Variants in ZNF721 observed in about 807,000 individuals in gnomAD.
The protein encoded by ZNF721 is zinc finger protein 721.
ZNF721 carries 2 observed loss-of-function variants against 2.4 expected under a neutral mutation model. That is an observed-to-expected ratio of 0.82 (90% confidence interval 0.34 to 2.58). ZNF721 has a LOEUF of 2.58. Among genes scored for constraint, ZNF721 ranks in the 30% most tolerant of loss-of-function variants. The pLI is 0.11. For missense variants in ZNF721, 1,187 were observed against 1,085.5 expected (o/e 1.09, Z -1.31); for synonymous variants, 398 against 381.8 (o/e 1.04, Z -0.50).
At chr4:464,526 GAA>G (rs1337980057) in intron 2 of ZNF721, among the ~76,000 whole-genome samples, 1 of 147,638 alleles carries the variant, frequency 6.8e-6, no homozygotes, top group Non-Finnish European at 1.5e-5. Flanking sequence ...AGAAAAAAAT[GAA>G]AGAGTGAATA....
intron 1 of ZNF721, among the ~76,000 whole-genome samples, chr4:495,388 G>A (rs1469154472): frequency 1.4e-5 from 2 of 139,114 alleles, no homozygotes; most frequent in Non-Finnish European, 3.1e-5. Flanking sequence ...CCAAAAACAT[G>A]AAACCTTCTA....
chr4:495,159 A>G (rs114019127), intron 1 of ZNF721, among the ~76,000 whole-genome samples: 6,352 of 151,968 alleles, frequency 0.042, 182 homozygotes, highest in African/African-American at 0.083. Context: ...TGGGATTACA[A>G]ACATAAGCCA....
intron 2 of ZNF721, among the ~76,000 whole-genome samples, chr4:458,283 G>A (rs1178629555): frequency 2.6e-5 from 4 of 152,120 alleles, no homozygotes; most frequent in Non-Finnish European, 5.9e-5. Flanking sequence ...CCAGATAACA[G>A]GTCTCCCAAG....
intron 1 of ZNF721, among the ~76,000 whole-genome samples, chr4:486,590 G>A (rs1160229860): frequency 2.6e-5 from 4 of 152,180 alleles, no homozygotes; most frequent in Non-Finnish European, 5.9e-5. Context: ...GGAAAAAAAA[G>A]CAGCAGCCCT....
chr4:443,870 G>A lies in ZNF721; in HGVS notation c.597C>T (p.Asp199=). 6.2e-7 allele frequency: 1 copy of A among 1,613,912 alleles called. No individual in the cohort carries two copies. Among genetic ancestry groups the A allele is most frequent in the Non-Finnish European group, 8.5e-7 (1 of 1,179,892 alleles). ...REKAYTGEDR[D]RAFGWSTNLN... Reference sequence around the variant, plus strand: ...GGTTTGTGGACCATCCAAAGGCTCTGTCACGATCTTCACCTGTGTAAGCTT... The same window carrying A: ...GGTTTGTGGACCATCCAAAGGCTCTATCACGATCTTCACCTGTGTAAGCTT... Residue 199 remains aspartate, a synonymous_variant, in exon 3 of 3, where the codon GAC becomes GAT. Coordinates refer to ENST00000511833, the MANE Select transcript of ZNF721 (RefSeq NM_133474.4).
At chr4:446,973 A>C (rs1714497642) in intron 2 of ZNF721, among the ~76,000 whole-genome samples, 1 of 152,166 alleles carries the variant, frequency 6.6e-6, no homozygotes, top group African/African-American at 2.4e-5. Context: ...CACGTGAGTC[A>C]CCGCGCCTGG....
At chr4:480,481 T>C (rs868916028) in intron 1 of ZNF721, among the ~76,000 whole-genome samples, 1 of 152,206 alleles carries the variant, frequency 6.6e-6, no homozygotes. Context: ...TATATTTACA[T>C]TGCAGCAAAC....
At position 480,465 on chromosome 4, in the gene ZNF721, G is replaced by C. The variant is rs527317776; in HGVS notation, c.-93-7764C>G. Among the ~76,000 whole-genome samples the C allele has an allele frequency of 3.3e-5, 5 of 152,248 alleles. No individual in the cohort carries two copies. In the South Asian group the frequency reaches 1.0e-3, roughly 32 times the overall value. ...TTTTTAATGTGTACAGTTTAGTAGT[G>C]CTAAGTATATTTACATTGCAGCAAA... On this transcript the variant is annotated intron_variant, in intron 1 of 2. Transcript: ENST00000511833.
chr4:445,043 G>A (rs547241465), intron 2 of ZNF721, among the ~76,000 whole-genome samples: 1 of 146,256 alleles, frequency 6.8e-6, no homozygotes, highest in East Asian at 2.0e-4. Flanking sequence ...GGAGTGCAGT[G>A]GCGGGATCTT....
At chr4:474,432 A>ACG (rs1251432682) in intron 1 of ZNF721, among the ~76,000 whole-genome samples, 7 of 152,084 alleles carry the variant, frequency 4.6e-5, no homozygotes, top group East Asian at 1.9e-4. Flanking sequence ...TAAATTGTGC[A>ACG]CGCGCGCGCG....
chr4:461,029 G>A (rs1284924293), intron 2 of ZNF721, among the ~76,000 whole-genome samples: 10 of 152,046 alleles, frequency 6.6e-5, no homozygotes, highest in South Asian at 2.1e-4. Context: ...AAAGGGGAGC[G>A]AGCTGGTACC....
intron 2 of ZNF721, chr4:453,647 C>A (rs1714744503): frequency 6.6e-6 from 1 of 152,178 alleles, no homozygotes; most frequent in Admixed American, 6.6e-5. Context: ...GGGTAGCCAC[C>A]ACTATAGAAG....
chr4:499,123 C>A lies in ZNF721; in HGVS notation c.-161G>T, dbSNP rs900477435. 38 of 576,974 alleles carry A rather than the reference C, an allele frequency of 6.6e-5. No individual in the cohort carries two copies. Among genetic ancestry groups the A allele is most frequent in the Admixed American group, 4.8e-4 (14 of 28,944 alleles). 35.7% of individuals were successfully genotyped at this position (576,974 alleles called of 1,614,324 possible). On this transcript the variant is annotated 5_prime_UTR_variant, in exon 1 of 3. Coordinates refer to ENST00000511833, the MANE Select transcript of ZNF721 (RefSeq NM_133474.4). The stretch of plus-strand genomic sequence containing the variant: ...GCCCCACGGAGCCGGGAACACCGCC[C>A]GCTGTTCGTATGTCCGAGGTGACGC...
intron 2 of ZNF721, among the ~76,000 whole-genome samples, chr4:457,756 C>T (rs1553865565): frequency 6.6e-6 from 1 of 152,164 alleles, no homozygotes; most frequent in African/African-American, 2.4e-5. Flanking sequence ...CAAGTCCATG[C>T]AACCAAAGTC....
At chr4:483,186 T>C (rs541946290) in intron 1 of ZNF721, among the ~76,000 whole-genome samples, 2 of 152,332 alleles carry the variant, frequency 1.3e-5, no homozygotes, top group African/African-American at 4.8e-5. Flanking sequence ...TATTATACTA[T>C]TTTGGTTACT....
At chr4:492,000 A>T (rs1486886384) in intron 1 of ZNF721, among the ~76,000 whole-genome samples, 11 of 152,046 alleles carry the variant, frequency 7.2e-5, no homozygotes, top group East Asian at 1.9e-4. Context: ...TAAAAAAAAA[A>T]AAATACAAAA....
rs1260403427 is a variant in ZNF721 at position 443,534 on chromosome 4, G to A, written c.933C>T (p.Gly311=). The change falls in exon 3 of 3, where the codon GGC becomes GGT. Residue 311 remains glycine (G), a synonymous_variant. Coordinates refer to ENST00000511833, the MANE Select transcript of ZNF721 (RefSeq NM_133474.4). ...GEKPYTCEVC[G]KAFRQSANLY... ...GGTTTGCGGACTGTCTAAAGGCTTT[G>A]CCACATACTTCACATGTGTAGGGTT... 6.2e-7 allele frequency: 1 copy of A among 1,613,802 alleles called. No individual in the cohort carries two copies. The highest frequency in any genetic ancestry group is 2.2e-5 in the East Asian group (1 of 44,870).
At chr4:490,536 TTA>T (rs1358115941) in intron 1 of ZNF721, among the ~76,000 whole-genome samples, 1 of 152,176 alleles carries the variant, frequency 6.6e-6, no homozygotes, top group Non-Finnish European at 1.5e-5. Flanking sequence ...TTGTTTCTTT[TTA>T]TTAGTTTTGA....
Position 444,178 on chromosome 4 carries a change from T to C in ZNF721, c.289A>G (p.Asn97Asp). The stretch of plus-strand genomic sequence containing the variant: ...CCAGTATGTCTTGTCTTATCTTTGT[T>C]TGAATTTGCAAATTTACTAAAAACT... ...VKVFSKFANS[N>D]KDKTRHTGEK... The change falls in exon 3 of 3, where the codon AAC becomes GAC. Residue 97 changes from asparagine to aspartate, a missense_variant. Transcript: ENST00000511833. 6 of 1,613,934 alleles carry C rather than the reference T, an allele frequency of 3.7e-6. No individual in the cohort carries two copies. Among genetic ancestry groups the C allele is most frequent in the Non-Finnish European group, 5.1e-6 (6 of 1,179,864 alleles).
Sources: gnomAD v4.1 joint callset for allele counts (sites outside exome capture counted in the v4.1 genomes callset) on GRCh38, gnomAD v4.1.1 for gene constraint, MANE v1.5 for transcripts, NCBI Gene and HGNC (gene_info 2026-07-23, HGNC 2026-07-21) for gene names.